The following RIMBP2 variants were observed in gnomAD, a reference collection of about 807,000 sequenced individuals.
RIMBP2 encodes the protein RIMS-binding protein 2.
Under a neutral mutation model 118.6 loss-of-function variants are expected in RIMBP2, and 48 were observed. The observed-to-expected ratio is 0.40, with a 90% confidence interval of 0.32 to 0.51. The LOEUF (loss-of-function observed/expected upper bound fraction) is 0.51. Among genes scored for constraint, RIMBP2 ranks in the 20% least tolerant of loss-of-function variants. The pLI, the probability that RIMBP2 is intolerant of heterozygous loss-of-function variation, is 0.41. For synonymous variants in RIMBP2, 762 were observed against 742.9 expected, an observed-to-expected ratio of 1.03 and a Z score of -0.42; for missense variants, 1,551 against 1,768.3, an observed-to-expected ratio of 0.88 and a Z score of 2.20.
intron 1 of RIMBP2, among the ~76,000 whole-genome samples, chr12:130,689,654 G>A (rs2065225217): frequency 6.6e-6 from 1 of 152,052 alleles, no homozygotes; most frequent in South Asian, 2.1e-4. Context: ...AGGGGGACGG[G>A]CCCATCAACA....
At chr12:130,645,980 C>A (rs1231086292) in intron 1 of RIMBP2, among the ~76,000 whole-genome samples, 1 of 152,072 alleles carries the variant, frequency 6.6e-6, no homozygotes, top group Non-Finnish European at 1.5e-5. Context: ...AAAGAAAAAA[C>A]CCAGGGAACA....
chr12:130,460,469 G>GT (rs901458617), intron 6 of RIMBP2, among the ~76,000 whole-genome samples: 1 of 152,148 alleles, frequency 6.6e-6, no homozygotes, highest in Admixed American at 6.5e-5. Context: ...CAATAGCAGT[G>GT]TTTTTTGTAG....
At chr12:130,669,684 C>A (rs2064113628) in intron 1 of RIMBP2, among the ~76,000 whole-genome samples, 1 of 152,170 alleles carries the variant, frequency 6.6e-6, no homozygotes, top group South Asian at 2.1e-4. Flanking sequence ...TTATAAATTA[C>A]CTGGTCTTGG....
rs1458380969 is a variant in RIMBP2 at position 130,420,569 on chromosome 12, A to G, written c.3238+1884T>C. ...TTTTATGATACTAATAAAACTTTAA[A>G]GCTTCTCACTGCTGATGAATGCAGT... On this transcript the variant is annotated intron_variant, in intron 17 of 22. Transcript: ENST00000690449. The surrounding 1 kb of genome is among the most constrained non-coding windows in gnomAD (Gnocchi z 4.3). Among the ~76,000 whole-genome samples the G allele has an allele frequency of 6.6e-6, 1 of 152,234 alleles. No individual in the cohort carries two copies. The highest frequency in any genetic ancestry group is 1.5e-5 in the Non-Finnish European group (1 of 68,052).
chr12:130,564,516 T>C (rs952789360), intron 2 of RIMBP2, among the ~76,000 whole-genome samples: 2 of 152,160 alleles, frequency 1.3e-5, no homozygotes, highest in Non-Finnish European at 2.9e-5. Context: ...TTCTTAGCCA[T>C]CAGGGAGATG....
chr12:130,553,216 A>G (rs1297315410), intron 2 of RIMBP2, among the ~76,000 whole-genome samples: 2 of 151,998 alleles, frequency 1.3e-5, no homozygotes, highest in East Asian at 3.9e-4. Flanking sequence ...GAAAACATGG[A>G]GGAAAGGGAA....
rs1054703234 is a variant in RIMBP2, at chr12:130,619,288, G to A, written c.-217+9034C>T. Among the ~76,000 whole-genome samples, 7 of 152,322 alleles carry A rather than the reference G, an allele frequency of 4.6e-5. No homozygotes were observed. In the South Asian group the frequency reaches 8.3e-4, roughly 18 times the overall value. On this transcript the variant is annotated intron_variant, in intron 2 of 22. Coordinates refer to ENST00000690449, the MANE Select transcript of RIMBP2 (RefSeq NM_001393629.1). Reference sequence around the variant, plus strand: ...GGTCACACAGACCACAAACGCACACGATTTCAGGCAGTGGAGGGTGCTACG... The same window carrying A: ...GGTCACACAGACCACAAACGCACACAATTTCAGGCAGTGGAGGGTGCTACG...
intron 4 of RIMBP2, among the ~76,000 whole-genome samples, chr12:130,503,664 C>G (rs1208996361): frequency 6.6e-6 from 1 of 152,130 alleles, no homozygotes; most frequent in East Asian, 1.9e-4. Context: ...GTAAGAAAAC[C>G]ATGTCCAGCA....
rs1464321900 is a variant in RIMBP2, at chr12:130,578,096, T to C, written c.-217+50226A>G. Among the ~76,000 whole-genome samples the C allele has an allele frequency of 6.6e-6, 1 of 152,192 alleles. No individual in the cohort carries two copies. The highest frequency in any genetic ancestry group is 1.5e-5 in the Non-Finnish European group (1 of 68,034). On this transcript the variant is annotated intron_variant, in intron 2 of 22. Coordinates refer to ENST00000690449, the MANE Select transcript of RIMBP2 (RefSeq NM_001393629.1). This position sits in a 1 kb window ranked among gnomAD's most constrained non-coding sequence, Gnocchi z 4.1. ...AACTGGATGGTTTCACATTAAGCCA[T>C]TATCACCCAGTAGCACACTGTGGCA... is the stretch of plus-strand genomic sequence containing the variant.
At chr12:130,678,352 G>A (rs570603815) in intron 1 of RIMBP2, among the ~76,000 whole-genome samples, 88 of 152,342 alleles carry the variant, frequency 5.8e-4, no homozygotes, top group African/African-American at 2.0e-3. Flanking sequence ...TGAAGCATCC[G>A]TCAGCGGATA....
At chr12:130,490,571 T>C (rs1299890518) in intron 4 of RIMBP2, among the ~76,000 whole-genome samples, 1 of 152,142 alleles carries the variant, frequency 6.6e-6, no homozygotes, top group Non-Finnish European at 1.5e-5. Context: ...TAGAGGTGCT[T>C]GGTTTACCTC....
chr12:130,692,586 C>T (rs1473159171), intron 1 of RIMBP2, among the ~76,000 whole-genome samples: 2 of 151,878 alleles, frequency 1.3e-5, no homozygotes, highest in African/African-American at 4.8e-5. Flanking sequence ...CACCCCAAAC[C>T]CTCTTTCCCC....
intron 1 of RIMBP2, among the ~76,000 whole-genome samples, chr12:130,679,158 T>C (rs1360967673): frequency 1.3e-5 from 2 of 152,202 alleles, no homozygotes; most frequent in Non-Finnish European, 2.9e-5. Flanking sequence ...AATGATAAAT[T>C]GTGCGTGCGG....
chr12:130,518,864 A>G (rs911599263), intron 2 of RIMBP2, among the ~76,000 whole-genome samples: 39 of 152,236 alleles, frequency 2.6e-4, no homozygotes, highest in African/African-American at 9.4e-4. Context: ...AAGAGATCTC[A>G]TAAACTTAAT....
Position 130,713,314 on chromosome 12 carries a change from G to T in RIMBP2, c.-352+2908C>A, listed in dbSNP as rs551558952. Among the ~76,000 whole-genome samples, 5 of 151,926 alleles carry T rather than the reference G, an allele frequency of 3.3e-5. No individual in the cohort carries two copies. In the East Asian group the frequency reaches 5.8e-4, roughly 18 times the overall value. On this transcript the variant is annotated intron_variant, in intron 1 of 22. Transcript: ENST00000690449. ...TTCAGTGAAACCTTTGCACACAAGG[G>T]TGGTGGCACCAGCATCACCAACAAG... is the stretch of plus-strand genomic sequence containing the variant.
intron 2 of RIMBP2, among the ~76,000 whole-genome samples, chr12:130,518,762 G>A (rs1017238360): frequency 1.3e-5 from 2 of 152,192 alleles, no homozygotes; most frequent in Admixed American, 6.5e-5. Context: ...AAGACAGGGA[G>A]AGTGAGCACA....
At chr12:130,425,061 G>A (rs1166352784) in intron 15 of RIMBP2, 1 of 393,498 alleles carries the variant, frequency 2.5e-6, no homozygotes. Context: ...GGGGCGGGGT[G>A]GAGGCTGAGG....
intron 1 of RIMBP2, among the ~76,000 whole-genome samples, chr12:130,691,217 G>A (rs1190602255): frequency 6.6e-6 from 1 of 152,182 alleles, no homozygotes; most frequent in Admixed American, 6.5e-5. Flanking sequence ...AAGGAAGCCT[G>A]TGACTCCTAA....
At chr12:130,686,143 T>C (rs1182248750) in intron 1 of RIMBP2, among the ~76,000 whole-genome samples, 2 of 152,202 alleles carry the variant, frequency 1.3e-5, no homozygotes, top group African/African-American at 2.4e-5. Context: ...CCCTGGAGAC[T>C]GGCAGTCACG....
Sources: allele counts gnomAD v4.1 joint callset (sites outside exome capture counted in the v4.1 genomes callset), GRCh38; gene constraint gnomAD v4.1.1; non-coding constraint Gnocchi (gnomAD v3.1); transcripts MANE v1.5; gene names NCBI Gene and HGNC (gene_info 2026-07-23, HGNC 2026-07-21).